YWHAQ: variants seen among roughly 807,000 people sequenced by gnomAD.
The protein encoded by YWHAQ is tyrosine 3-monooxygenase/tryptophan 5-monooxygenase activation protein theta.
Under a neutral mutation model 28.3 loss-of-function variants are expected in YWHAQ, and 6 were observed. The observed-to-expected ratio is 0.21, with a 90% CI of 0.12 to 0.42. The LOEUF is 0.42. YWHAQ is among the 10% of genes least tolerant of loss of function. The pLI, the probability that YWHAQ is intolerant of heterozygous loss-of-function variation, is 1.00. For synonymous variants in YWHAQ, 143 were observed against 119.1 expected (o/e 1.20, Z -1.31); for missense variants, 201 against 305.6 (o/e 0.66, Z 2.55).
At chr2:9,629,252 T>C (rs1025693865) in intron 2 of YWHAQ, among the ~76,000 whole-genome samples, 1 of 152,238 alleles carries the variant, frequency 6.6e-6, no homozygotes, top group Non-Finnish European at 1.5e-5. Context: ...TCCCATTTTA[T>C]TCATAGAAAT....
In YWHAQ at chr2:9,630,908, G is replaced by C. The variant is rs956165111; in HGVS notation, c.-83+33C>G. 163 of 152,874 alleles carry C rather than the reference G, an allele frequency of 1.1e-3. No individual in the cohort carries two copies. Among genetic ancestry groups the C allele is most frequent in the Non-Finnish European group, 3.2e-4 (22 of 68,158 alleles). The allele number at this position is 152,874 out of a possible 1,614,324, so 9.5% of individuals were successfully genotyped here. A position where few individuals can be genotyped will look rare whatever the true frequency, so the allele number is the denominator to read the frequency against. ...CCCGGCCCTCAATCCGAGCGCGGCC[G>C]GAGGAAGCCCGCGGGCCGACCCAGG... On this transcript the variant is annotated intron_variant, in intron 1 of 5. Transcript: ENST00000238081. This position sits in a 1 kb window ranked among gnomAD's most constrained non-coding sequence, Gnocchi z 5.6.
chr2:9,623,504 T>C (rs1258085970), intron 2 of YWHAQ, among the ~76,000 whole-genome samples: 1 of 152,222 alleles, frequency 6.6e-6, no homozygotes, highest in Admixed American at 6.5e-5. Context: ...CCGGGTGCAG[T>C]GGCTCACGCC....
At chr2:9,596,362 T>G (rs1362656970) in intron 2 of YWHAQ, among the ~76,000 whole-genome samples, 1 of 152,204 alleles carries the variant, frequency 6.6e-6, no homozygotes, top group Non-Finnish European at 1.5e-5. Context: ...GGCAAAATTC[T>G]GTAACACTCA....
chr2:9,630,557 G>A lies in YWHAQ; in HGVS notation c.-82-23C>T, dbSNP rs550380937. The A allele has an allele frequency of 3.2e-5, 38 of 1,193,616 alleles. No homozygotes were observed. In the African/African-American group the frequency reaches 4.2e-4, roughly 13 times the overall value. The allele number at this position is 1,193,616 out of a possible 1,614,324, so 73.9% of individuals were successfully genotyped here. On this transcript the variant is annotated intron_variant, in intron 1 of 5. Transcript: ENST00000238081. This position sits in a 1 kb window ranked among gnomAD's most constrained non-coding sequence, Gnocchi z 5.6. Reference sequence around the variant, plus strand: ...GAGCTGCGGAGGGGCGGGGCGGCGAGGCGAGAACAAAAAGCAGAGAGGGAG... The same window carrying A: ...GAGCTGCGGAGGGGCGGGGCGGCGAAGCGAGAACAAAAAGCAGAGAGGGAG...
chr2:9,619,909 A>G (rs1667111106), intron 2 of YWHAQ, among the ~76,000 whole-genome samples: 1 of 152,262 alleles, frequency 6.6e-6, no homozygotes, highest in Admixed American at 6.5e-5. Context: ...TTAAGAGCAA[A>G]AATCCTGTGA....
chr2:9,625,741 G>A (rs1448133506), intron 2 of YWHAQ, among the ~76,000 whole-genome samples: 2 of 152,090 alleles, frequency 1.3e-5, no homozygotes, highest in African/African-American at 4.8e-5. Flanking sequence ...GTGAATACCT[G>A]GTAAATGTTA....
At chr2:9,602,862 AATATATATATATATATATATATATATAT>A (rs71413909) in intron 2 of YWHAQ, among the ~76,000 whole-genome samples, 621 of 20,832 alleles carry the variant, frequency 0.03, 13 homozygotes, top group Middle Eastern at 0.1. Flanking sequence ...AAAAAAAAAA[AATATATATATATATATATATATATATAT>A]ATATATATAT....
chr2:9,584,062 CTA>C lies in YWHAQ; in HGVS notation c.*1222_*1223del, dbSNP rs1176425166. ...GGAAGAGATGGCCCATGAGACTGAT[CTA>C]TAGTAAAACACTCTAAGAAATGCAG... On this transcript the variant is annotated 3_prime_UTR_variant, in exon 6 of 6. Transcript: ENST00000238081. 1.3e-5 allele frequency: 2 copies of C among 152,334 alleles called. No homozygotes were observed. Among genetic ancestry groups the C allele is most frequent in the Non-Finnish European group, 2.9e-5 (2 of 68,044 alleles). The allele number at this position is 152,334 out of a possible 1,614,324, so 9.4% of individuals were successfully genotyped here. A position where few individuals can be genotyped will look rare whatever the true frequency, so the allele number is the denominator to read the frequency against.
rs529543068 is a variant in YWHAQ at position 9,627,832 on chromosome 2, C to A, written c.294+2327G>T. Among the ~76,000 whole-genome samples, 12 of 152,252 alleles carry A rather than the reference C, an allele frequency of 7.9e-5. No individual in the cohort carries two copies. The South Asian group carries it at 2.1e-3, about 26-fold the overall frequency. On this transcript the variant is annotated intron_variant, in intron 2 of 5. Coordinates refer to ENST00000238081, the MANE Select transcript of YWHAQ (RefSeq NM_006826.4). ...CCAGCCACACCGACACACTGTTCCC[C>A]GAACAAGCCCTACCCCGGATATTCC...
intron 2 of YWHAQ, among the ~76,000 whole-genome samples, chr2:9,591,903 C>T (rs1320702351): frequency 3.3e-5 from 5 of 152,216 alleles, no homozygotes; most frequent in African/African-American, 1.2e-4. Context: ...TCTGTAAGTA[C>T]ACCAACTACA....
At chr2:9,619,153 T>G (rs774185560) in intron 2 of YWHAQ, among the ~76,000 whole-genome samples, 1 of 152,156 alleles carries the variant, frequency 6.6e-6, no homozygotes, top group Non-Finnish European at 1.5e-5. Context: ...ATAGCTAAAA[T>G]AAGTTTATAA....
rs753064140 is a variant in YWHAQ at position 9,630,225 on chromosome 2, C to T, written c.228G>A (p.Leu76=). The T allele has an allele frequency of 3.1e-6, 5 of 1,614,140 alleles. No homozygotes were observed. Among genetic ancestry groups the T allele is most frequent in the Non-Finnish European group, 3.4e-6 (4 of 1,180,052 alleles). ...EQKTDTSDKK[L]QLIKDYREKV... is the part of the protein sequence containing the mutation. ...TCTCCCGATAGTCCTTAATCAGCTG[C>T]AACTTCTTGTCGGAGGTGTCGGTCT... The change falls in exon 2 of 6, where the codon TTG becomes TTA. Residue 76 remains leucine (L), a synonymous_variant. Transcript: ENST00000238081. This position sits in a 1 kb window ranked among gnomAD's most constrained non-coding sequence, Gnocchi z 5.6.
intron 2 of YWHAQ, among the ~76,000 whole-genome samples, chr2:9,617,982 T>C (rs930204526): frequency 2.0e-5 from 3 of 151,756 alleles, no homozygotes; most frequent in Non-Finnish European, 2.9e-5. Context: ...TTGAGGGCAT[T>C]AGGCTAAGTG....
At chr2:9,612,542 T>G (rs1666968490) in intron 2 of YWHAQ, among the ~76,000 whole-genome samples, 1 of 152,054 alleles carries the variant, frequency 6.6e-6, no homozygotes, top group Non-Finnish European at 1.5e-5. Context: ...ACAAAAGGAG[T>G]TGGGAAGCAT....
chr2:9,595,793 G>T (rs953544754), intron 2 of YWHAQ, among the ~76,000 whole-genome samples: 1 of 151,954 alleles, frequency 6.6e-6, no homozygotes, highest in Non-Finnish European at 1.5e-5. Context: ...AATTAAGCAG[G>T]AGCTCCCCCT....
In YWHAQ at chr2:9,597,622, G is replaced by A. The variant is rs1254409226; in HGVS notation, c.295-6107C>T. 6.6e-3 allele frequency among the ~76,000 whole-genome samples: 551 copies of A among 83,688 alleles called. 6 individuals carry two copies. The highest frequency in any genetic ancestry group is 0.028 in the African/African-American group (508 of 18,270). The allele number at this position is 83,688 out of a possible 152,430, so 54.9% of individuals were successfully genotyped here. On this transcript the variant is annotated intron_variant, in intron 2 of 5. Transcript: ENST00000238081. ...AGATCACCTGCCTGGGCAAAAGAGC[G>A]AAACTCCGTCTCAAAAAAAAAAAAA...
intron 2 of YWHAQ, among the ~76,000 whole-genome samples, chr2:9,623,073 A>T (rs1667172455): frequency 6.6e-6 from 1 of 152,246 alleles, no homozygotes; most frequent in African/African-American, 2.4e-5. Flanking sequence ...ACCTTGACTG[A>T]ACTAATCCCA....
At chr2:9,625,564 C>A (rs568872137) in intron 2 of YWHAQ, among the ~76,000 whole-genome samples, 1 of 152,272 alleles carries the variant, frequency 6.6e-6, no homozygotes, top group East Asian at 1.9e-4. Context: ...GCAGTTACAC[C>A]ACTTGGGTTA....
At chr2:9,587,942 T>TG (rs1291066966) in intron 4 of YWHAQ, among the ~76,000 whole-genome samples, 1 of 152,210 alleles carries the variant, frequency 6.6e-6, no homozygotes, top group African/African-American at 2.4e-5. Flanking sequence ...TTGATTACTC[T>TG]GCTCAGTATG....
Sources: gnomAD v4.1 joint callset for allele counts (sites outside exome capture counted in the v4.1 genomes callset) on GRCh38, gnomAD v4.1.1 for gene constraint, Gnocchi (gnomAD v3.1) non-coding constraint, MANE v1.5 for transcripts, NCBI Gene and HGNC (gene_info 2026-07-23, HGNC 2026-07-21) for gene names.